CDKAL1: variants seen among roughly 807,000 people sequenced by gnomAD.
CDKAL1 encodes the protein CDKAL1 threonylcarbamoyladenosine tRNA methylthiotransferase.
Under a neutral mutation model 68.2 loss-of-function variants are expected in CDKAL1, and 32 were observed. The ratio of observed to expected loss-of-function variants is 0.47; its 90% confidence interval spans 0.35 to 0.63. The LOEUF (loss-of-function observed/expected upper bound fraction) is 0.63, where lower values mean the gene tolerates loss of function less well. CDKAL1 is among the 30% of genes least tolerant of loss of function. CDKAL1 has a pLI of 0.00. For missense variants in CDKAL1, 606 were observed against 696.7 expected, an observed-to-expected ratio of 0.87 and a Z score of 1.47; for synonymous variants, 234 against 244.3, an observed-to-expected ratio of 0.96 and a Z score of 0.39.
rs1582356867 is a variant in CDKAL1, at chr6:21,174,604, A to G, written c.1300-23417A>G. Among the ~76,000 whole-genome samples the G allele has an allele frequency of 2.0e-5, 3 of 152,280 alleles. No homozygotes were observed. In the South Asian group the frequency reaches 6.2e-4, roughly 32 times the overall value. ...TTTATGTCAACAATTAAAAAATGTT[A>G]TATACAGTATTGTTGGGTGTAGGTA... On this transcript the variant is annotated intron_variant, in intron 13 of 15. Coordinates refer to ENST00000274695, the MANE Select transcript of CDKAL1 (RefSeq NM_017774.3).
Position 20,936,623 on chromosome 6 carries a change from G to A in CDKAL1, c.743-18796G>A, listed in dbSNP as rs139507036. On this transcript the variant is annotated intron_variant, in intron 9 of 15. Transcript: ENST00000274695. ...GACAACTACTTACTAAATACCACTT[G>A]CTGATGACAATGGCAGTACTATGAC... 8.5e-3 allele frequency among the ~76,000 whole-genome samples: 1,285 copies of A among 151,970 alleles called. 6 individuals are homozygous for A. Among genetic ancestry groups the A allele is most frequent in the South Asian group, 0.012 (56 of 4,810 alleles).
intron 5 of CDKAL1, among the ~76,000 whole-genome samples, chr6:20,674,625 A>G (rs1026552986): frequency 6.6e-6 from 1 of 152,212 alleles, no homozygotes; most frequent in Non-Finnish European, 1.5e-5. Context: ...TTTAAAATAT[A>G]CAATAGATTA....
intron 15 of CDKAL1, among the ~76,000 whole-genome samples, chr6:21,206,119 C>T (rs1276679293): frequency 1.3e-5 from 2 of 152,120 alleles, no homozygotes; most frequent in Admixed American, 6.5e-5. Flanking sequence ...GCGTGAGCCA[C>T]CACACCGGAC....
intron 7 of CDKAL1, among the ~76,000 whole-genome samples, chr6:20,763,708 G>C (rs1280975757): frequency 1.3e-5 from 2 of 152,114 alleles, no homozygotes; most frequent in Non-Finnish European, 2.9e-5. Flanking sequence ...TTTAAAAACT[G>C]TACTAATAAG....
chr6:20,653,646 C>T (rs920853392), intron 5 of CDKAL1, among the ~76,000 whole-genome samples: 8 of 148,610 alleles, frequency 5.4e-5, no homozygotes, highest in African/African-American at 2.0e-4. Context: ...GAGGGAGTCT[C>T]ACTCTGTCAC....
chr6:20,766,409 A>G (rs992247528), intron 7 of CDKAL1, among the ~76,000 whole-genome samples: 2 of 152,176 alleles, frequency 1.3e-5, no homozygotes, highest in Non-Finnish European at 2.9e-5. Flanking sequence ...TGATTGCCGT[A>G]AGCAAGGAAA....
chr6:20,942,264 AT>A (rs2150698663), intron 9 of CDKAL1, among the ~76,000 whole-genome samples: 1 of 151,526 alleles, frequency 6.6e-6, no homozygotes, highest in East Asian at 2.0e-4. Context: ...GTAATTTTAT[AT>A]TTCCATTTCC....
chr6:20,727,164 C>T (rs1157378103), intron 5 of CDKAL1, among the ~76,000 whole-genome samples: 2 of 152,098 alleles, frequency 1.3e-5, no homozygotes, highest in African/African-American at 2.4e-5. Flanking sequence ...GGCCCTGAAC[C>T]CTTGACCCAC....
At chr6:20,953,965 C>T (rs936894714) in intron 9 of CDKAL1, among the ~76,000 whole-genome samples, 4 of 151,900 alleles carry the variant, frequency 2.6e-5, no homozygotes, top group Non-Finnish European at 4.4e-5. Context: ...GTATTCTGTT[C>T]TCAATGCTAA....
chr6:21,038,401 C>T (rs1191447744), intron 11 of CDKAL1, among the ~76,000 whole-genome samples: 1 of 152,196 alleles, frequency 6.6e-6, no homozygotes, highest in Non-Finnish European at 1.5e-5. Context: ...GACTTCTGAG[C>T]ACACAGCAGG....
At chr6:20,926,117 A>C (rs1374592844) in intron 9 of CDKAL1, among the ~76,000 whole-genome samples, 1 of 152,152 alleles carries the variant, frequency 6.6e-6, no homozygotes, top group Middle Eastern at 3.2e-3. Flanking sequence ...TTGATACATG[A>C]CATCAGTATG....
chr6:21,210,656 A>T (rs1779118245), intron 15 of CDKAL1, among the ~76,000 whole-genome samples: 1 of 152,230 alleles, frequency 6.6e-6, no homozygotes, highest in South Asian at 2.1e-4. Context: ...AATATGTCAA[A>T]TGTTAAATTG....
At chr6:20,895,508 G>A (rs1444110362) in intron 9 of CDKAL1, among the ~76,000 whole-genome samples, 1 of 152,148 alleles carries the variant, frequency 6.6e-6, no homozygotes, top group East Asian at 1.9e-4. Flanking sequence ...TTAGAATTCA[G>A]AATCTAAAGT....
intron 2 of CDKAL1, among the ~76,000 whole-genome samples, chr6:20,536,318 C>G (rs1477351170): frequency 6.6e-6 from 1 of 152,098 alleles, no homozygotes; most frequent in Non-Finnish European, 1.5e-5. Context: ...AGGGCCTACT[C>G]TAACATCATA....
chr6:20,845,053 G>A (rs1244332625), intron 8 of CDKAL1, among the ~76,000 whole-genome samples: 1 of 152,180 alleles, frequency 6.6e-6, no homozygotes, highest in Non-Finnish European at 1.5e-5. Context: ...CAGAAATTAA[G>A]CATTGCATAT....
chr6:20,937,729 A>G (rs1763788506), intron 9 of CDKAL1, among the ~76,000 whole-genome samples: 1 of 152,208 alleles, frequency 6.6e-6, no homozygotes, highest in Non-Finnish European at 1.5e-5. Context: ...ATTTTTGGCA[A>G]GAGTACCACT....
Position 20,728,955 on chromosome 6 carries a change from G to A in CDKAL1, c.372-10564G>A, listed in dbSNP as rs116671260. ...GGCAAATTTGGATGAATAGGTGAAA[G>A]GTATATGAATTAAAGTTTTATAATA... On this transcript the variant is annotated intron_variant, in intron 5 of 15. Coordinates refer to ENST00000274695, the MANE Select transcript of CDKAL1 (RefSeq NM_017774.3). Among the ~76,000 whole-genome samples the A allele has an allele frequency of 3.4e-3, 522 of 152,062 alleles. 8 individuals are homozygous for A. Among genetic ancestry groups the A allele is most frequent in the African/African-American group, 0.012 (488 of 41,474 alleles).
chr6:20,593,019 C>T (rs1002425954), intron 4 of CDKAL1, among the ~76,000 whole-genome samples: 1 of 152,080 alleles, frequency 6.6e-6, no homozygotes, highest in African/African-American at 2.4e-5. Flanking sequence ...GGGATGAAGC[C>T]GACTTGATCG....
At chr6:21,161,253 A>G (rs1776913872) in intron 13 of CDKAL1, among the ~76,000 whole-genome samples, 1 of 152,154 alleles carries the variant, frequency 6.6e-6, no homozygotes, top group African/African-American at 2.4e-5. Context: ...ACGATATCGT[A>G]TGAGATTGAC....
Sources: gnomAD v4.1 joint callset for allele counts (sites outside exome capture counted in the v4.1 genomes callset) on GRCh38, gnomAD v4.1.1 for gene constraint, MANE v1.5 for transcripts, NCBI Gene and HGNC (gene_info 2026-07-23, HGNC 2026-07-21) for gene names.